WWOX: variants seen among roughly 807,000 people sequenced by gnomAD.
The protein encoded by WWOX is WW domain-containing oxidoreductase.
A neutral mutation model predicts 46.2 loss-of-function variants in WWOX; 69 were observed. The observed-to-expected ratio is 1.49, with a 90% CI of 1.23 to 1.82. The LOEUF is 1.82. Ranked by LOEUF, WWOX falls within the 40% of genes most tolerant of loss-of-function variation. The pLI, the probability that WWOX is intolerant of heterozygous loss-of-function variation, is 0.00. For synonymous variants in WWOX, 359 were observed against 202.6 expected, an observed-to-expected ratio of 1.77 and a Z score of -6.56; for missense variants, 919 against 542.6, an observed-to-expected ratio of 1.69 and a Z score of -6.89.
At chr16:78,476,650 C>A (rs899762654) in intron 8 of WWOX, among the ~76,000 whole-genome samples, 1 of 151,856 alleles carries the variant, frequency 6.6e-6, no homozygotes, top group Non-Finnish European at 1.5e-5. Context: ...CATCGACTTT[C>A]GTTTTCATTT....
intron 8 of WWOX, among the ~76,000 whole-genome samples, chr16:78,640,861 C>T (rs1476457046): frequency 6.6e-6 from 1 of 151,392 alleles, no homozygotes; most frequent in Non-Finnish European, 1.5e-5. Context: ...ATTGCTTGAA[C>T]CTGGGAAGCA....
At chr16:78,101,115 T>G (rs2031748283) in intron 1 of WWOX, among the ~76,000 whole-genome samples, 1 of 151,718 alleles carries the variant, frequency 6.6e-6, no homozygotes, top group Admixed American at 6.6e-5. Context: ...CGGCGCGATC[T>G]CGGCTCACTG....
At chr16:78,162,384 A>G (rs2034823414) in intron 4 of WWOX, among the ~76,000 whole-genome samples, 2 of 151,782 alleles carry the variant, frequency 1.3e-5, no homozygotes, top group East Asian at 1.9e-4. Flanking sequence ...TTTGACATGT[A>G]TGTGTATATA....
intron 8 of WWOX, among the ~76,000 whole-genome samples, chr16:78,582,554 A>G (rs1054804925): frequency 2.6e-5 from 4 of 152,196 alleles, no homozygotes; most frequent in Admixed American, 1.3e-4. Flanking sequence ...GTTATGTGCA[A>G]TCCTTGTGTT....
rs1007237075 is a variant in WWOX at position 79,009,828 on chromosome 16, G to C, written c.1057-201780G>C. On this transcript the variant is annotated intron_variant, in intron 8 of 8. Coordinates refer to ENST00000566780, the MANE Select transcript of WWOX (RefSeq NM_016373.4). ...AAGGAGGAGGGGGACACACAAGACT[G>C]TACCTATCATGGGGGCTTCGACCTC... 2.0e-5 allele frequency among the ~76,000 whole-genome samples: 3 copies of C among 152,168 alleles called. 1 individual carries two copies. The highest frequency in any genetic ancestry group is 6.3e-3 in the Middle Eastern group (2 of 316).
chr16:78,770,865 T>G (rs2050047681), intron 8 of WWOX, among the ~76,000 whole-genome samples: 1 of 152,230 alleles, frequency 6.6e-6, no homozygotes, highest in East Asian at 1.9e-4. Flanking sequence ...TGTGGACGGT[T>G]GGCACCGATG....
intron 5 of WWOX, among the ~76,000 whole-genome samples, chr16:78,185,453 C>T (rs141484118): frequency 8.6e-5 from 13 of 151,792 alleles, no homozygotes; most frequent in East Asian, 1.9e-4. Context: ...TCCTCGAAGC[C>T]GCAGAACTTT....
intron 8 of WWOX, among the ~76,000 whole-genome samples, chr16:78,477,764 T>C (rs2084387247): frequency 6.6e-6 from 1 of 152,180 alleles, no homozygotes; most frequent in African/African-American, 2.4e-5. Flanking sequence ...ACTTTAATTT[T>C]TTAATTGTAG....
At chr16:78,714,046 A>G (rs942871158) in intron 8 of WWOX, among the ~76,000 whole-genome samples, 1 of 152,160 alleles carries the variant, frequency 6.6e-6, no homozygotes, top group Non-Finnish European at 1.5e-5. Context: ...TGGGGAAAAG[A>G]AGGCAAAATG....
intron 8 of WWOX, among the ~76,000 whole-genome samples, chr16:78,759,090 C>T (rs982283714): frequency 3.3e-5 from 5 of 152,000 alleles, no homozygotes; most frequent in African/African-American, 1.2e-4. Flanking sequence ...TAAGGTAGTA[C>T]AAGTTGTATA....
intron 8 of WWOX, among the ~76,000 whole-genome samples, chr16:78,662,698 T>C (rs1167209746): frequency 6.6e-6 from 1 of 152,220 alleles, no homozygotes; most frequent in Non-Finnish European, 1.5e-5. Context: ...CAGCATCTCT[T>C]GCAGGCTGTA....
intron 8 of WWOX, among the ~76,000 whole-genome samples, chr16:78,446,542 C>T (rs1045365345): frequency 1.3e-5 from 2 of 151,712 alleles, no homozygotes; most frequent in Admixed American, 6.6e-5. Flanking sequence ...TTTTACTACT[C>T]CTATTATTGA....
At chr16:79,153,042 G>T (rs776519980) in intron 8 of WWOX, among the ~76,000 whole-genome samples, 1 of 152,198 alleles carries the variant, frequency 6.6e-6, no homozygotes, top group Non-Finnish European at 1.5e-5. Context: ...AAGGAGACCT[G>T]CAGAGCGAGC....
intron 5 of WWOX, among the ~76,000 whole-genome samples, chr16:78,276,716 G>A (rs2079585398): frequency 6.6e-6 from 1 of 152,160 alleles, no homozygotes; most frequent in Non-Finnish European, 1.5e-5. Flanking sequence ...TAAAATTTTA[G>A]CCCATTAAAA....
chr16:78,651,941 C>G (rs773551375), intron 8 of WWOX, among the ~76,000 whole-genome samples: 19 of 152,050 alleles, frequency 1.2e-4, no homozygotes, highest in Admixed American at 1.2e-3. Flanking sequence ...ATGGCAGGCA[C>G]AGGGATGGTT....
chr16:78,668,419 A>G (rs2142194904), intron 8 of WWOX, among the ~76,000 whole-genome samples: 1 of 152,360 alleles, frequency 6.6e-6, no homozygotes, highest in South Asian at 2.1e-4. Flanking sequence ...TAAGGTAACC[A>G]GGAATGACAT....
intron 8 of WWOX, among the ~76,000 whole-genome samples, chr16:79,093,902 C>T (rs904004967): frequency 6.6e-6 from 1 of 152,210 alleles, no homozygotes; most frequent in Non-Finnish European, 1.5e-5. Context: ...GCCACTTTCT[C>T]GCTCTCTCCT....
At chr16:78,324,215 T>G (rs891311760) in intron 5 of WWOX, among the ~76,000 whole-genome samples, 1 of 151,986 alleles carries the variant, frequency 6.6e-6, no homozygotes, top group Non-Finnish European at 1.5e-5. Flanking sequence ...GGCAGTGAGG[T>G]GGTGGCTTCT....
intron 8 of WWOX, among the ~76,000 whole-genome samples, chr16:78,782,119 C>T: frequency 6.6e-6 from 1 of 152,110 alleles, no homozygotes; most frequent in Non-Finnish European, 1.5e-5. Context: ...AAATGTAAAT[C>T]ACCACCTTCA....
Sources: allele counts gnomAD v4.1 joint callset (sites outside exome capture counted in the v4.1 genomes callset), GRCh38; gene constraint gnomAD v4.1.1; transcripts MANE v1.5; gene names NCBI Gene and HGNC (gene_info 2026-07-23, HGNC 2026-07-21).